NAALADL2: variants seen among roughly 807,000 people sequenced by gnomAD.
NAALADL2 encodes inactive N-acetylated-alpha-linked acidic dipeptidase-like protein 2.
Under a neutral mutation model 87.2 loss-of-function variants are expected in NAALADL2, and 76 were observed. The ratio of observed to expected loss-of-function variants is 0.87; its 90% CI spans 0.72 to 1.05. The LOEUF (loss-of-function observed/expected upper bound fraction) is 1.05. Ranked by LOEUF, NAALADL2 falls within the 50% of genes least tolerant of loss-of-function variation. The probability of loss-of-function intolerance (pLI) is 0.00; values close to 1 mark genes in which losing one functional copy is unlikely to be tolerated. For missense variants in NAALADL2, 1,089 were observed against 945.8 expected (o/e 1.15, Z -1.99); for synonymous variants, 354 against 331.0 (o/e 1.07, Z -0.75).
At chr3:175,600,760 A>G (rs1722873068) in intron 10 of NAALADL2, among the ~76,000 whole-genome samples, 1 of 151,430 alleles carries the variant, frequency 6.6e-6, no homozygotes, top group South Asian at 2.1e-4. Context: ...GATGGTCTCG[A>G]TCTCCTGACC....
chr3:175,137,563 G>T (rs1729298248), intron 2 of NAALADL2, among the ~76,000 whole-genome samples: 1 of 149,728 alleles, frequency 6.7e-6, no homozygotes. Context: ...ATATTTTTTA[G>T]ATTACATTTC....
chr3:174,491,903 A>T (rs1305731766), intron 1 of NAALADL2, among the ~76,000 whole-genome samples: 1 of 152,220 alleles, frequency 6.6e-6, no homozygotes, highest in African/African-American at 2.4e-5. Flanking sequence ...ATCAATAAAG[A>T]TGATTTTATT....
chr3:174,735,592 C>T (rs1342489849), intron 2 of NAALADL2, among the ~76,000 whole-genome samples: 1 of 152,080 alleles, frequency 6.6e-6, no homozygotes, highest in African/African-American at 2.4e-5. Flanking sequence ...CAGGATCTCA[C>T]TCTGTCACCC....
intron 5 of NAALADL2, among the ~76,000 whole-genome samples, chr3:175,367,378 G>T (rs62287968): frequency 0.24 from 35,857 of 146,838 alleles, 4,970 homozygotes; most frequent in East Asian, 0.48. Context: ...TTAAAGAGTT[G>T]TTTCCGATTC....
chr3:175,632,492 G>T (rs1399040159), intron 11 of NAALADL2, among the ~76,000 whole-genome samples: 1 of 151,920 alleles, frequency 6.6e-6, no homozygotes, highest in African/African-American at 2.4e-5. Flanking sequence ...TTTTGACGGT[G>T]CTTTAAAGAT....
chr3:175,367,108 A>C (rs1157111867), intron 5 of NAALADL2, among the ~76,000 whole-genome samples: 1 of 151,176 alleles, frequency 6.6e-6, no homozygotes, highest in Non-Finnish European at 1.5e-5. Context: ...ACCATTTATT[A>C]AATAGGGAAT....
chr3:174,468,757 A>G (rs1577973662), intron 1 of NAALADL2, among the ~76,000 whole-genome samples: 1 of 138,096 alleles, frequency 7.2e-6, no homozygotes, highest in Non-Finnish European at 1.6e-5. Flanking sequence ...GATCATAACT[A>G]TATTCTTTTT....
chr3:174,641,895 C>T (rs1278278504), intron 2 of NAALADL2, among the ~76,000 whole-genome samples: 1 of 152,064 alleles, frequency 6.6e-6, no homozygotes, highest in African/African-American at 2.4e-5. Flanking sequence ...GAGGTGAGAC[C>T]ACAAGCATGG....
At chr3:175,318,552 A>T (rs961048468) in intron 4 of NAALADL2, among the ~76,000 whole-genome samples, 1 of 152,238 alleles carries the variant, frequency 6.6e-6, no homozygotes, top group Admixed American at 6.5e-5. Flanking sequence ...AAGAAGATAT[A>T]AAAATGAACA....
intron 11 of NAALADL2, among the ~76,000 whole-genome samples, chr3:175,703,518 G>C (rs192880229): frequency 6.6e-6 from 1 of 152,072 alleles, no homozygotes; most frequent in Non-Finnish European, 1.5e-5. Flanking sequence ...CGAGGCGGGC[G>C]GATCACCTGA....
chr3:175,744,604 A>C (rs1462023704), intron 12 of NAALADL2, among the ~76,000 whole-genome samples: 2 of 152,208 alleles, frequency 1.3e-5, no homozygotes, highest in Admixed American at 6.5e-5. Flanking sequence ...CCTTTAAACT[A>C]TACATTTTTA....
intron 1 of NAALADL2, among the ~76,000 whole-genome samples, chr3:175,033,367 A>G (rs772548351): frequency 5.3e-5 from 8 of 152,070 alleles, no homozygotes; most frequent in Non-Finnish European, 1.0e-4. Flanking sequence ...TTCCTTCCTC[A>G]TGAACAGATG....
intron 2 of NAALADL2, among the ~76,000 whole-genome samples, chr3:175,192,328 A>G (rs1167314324): frequency 6.6e-6 from 1 of 152,084 alleles, no homozygotes; most frequent in Non-Finnish European, 1.5e-5. Context: ...GCTGTCTTAG[A>G]TTTTTATAAG....
rs1415019167 is a variant in NAALADL2 at position 175,127,179 on chromosome 3, C to A, written c.545+29888C>A. ...CAGATCCCCAGACATCATGACATGT[C>A]ATTCAGAAAAAGGTAAATACAATAA... is the stretch of plus-strand genomic sequence containing the variant. On this transcript the variant is annotated intron_variant, in intron 2 of 13. Coordinates refer to ENST00000454872, the MANE Select transcript of NAALADL2 (RefSeq NM_207015.3). Among the ~76,000 whole-genome samples the A allele has an allele frequency of 7.2e-5, 11 of 152,158 alleles. No homozygotes were observed. In the East Asian group the frequency reaches 2.1e-3, roughly 29 times the overall value.
At chr3:174,516,518 A>G (rs1466668574) in intron 1 of NAALADL2, among the ~76,000 whole-genome samples, 3 of 152,040 alleles carry the variant, frequency 2.0e-5, no homozygotes, top group Non-Finnish European at 4.4e-5. Flanking sequence ...CAGGGCCTTT[A>G]GAAGTTGACT....
chr3:175,579,835 A>G (rs1259369451), intron 10 of NAALADL2, among the ~76,000 whole-genome samples: 1 of 152,122 alleles, frequency 6.6e-6, no homozygotes, highest in East Asian at 1.9e-4. Context: ...TGTTTCAATC[A>G]GTATTTTTAT....
chr3:175,296,000 A>G (rs1366685920), intron 4 of NAALADL2, among the ~76,000 whole-genome samples: 2 of 65,666 alleles, frequency 3.0e-5, no homozygotes, highest in Admixed American at 2.9e-4. Flanking sequence ...GTGGCCAAAA[A>G]AGTCAGCCAA....
intron 2 of NAALADL2, among the ~76,000 whole-genome samples, chr3:174,696,676 A>G (rs1234981527): frequency 3.3e-5 from 5 of 150,618 alleles, no homozygotes; most frequent in Non-Finnish European, 7.4e-5. Flanking sequence ...TTACTGATCT[A>G]GGATTATTAA....
intron 1 of NAALADL2, among the ~76,000 whole-genome samples, chr3:174,503,444 G>A (rs1191495712): frequency 6.6e-6 from 1 of 152,030 alleles, no homozygotes; most frequent in African/African-American, 2.4e-5. Flanking sequence ...ATCAAAATTA[G>A]CATTTTCTTA....
Sources: gnomAD v4.1 joint callset for allele counts (sites outside exome capture counted in the v4.1 genomes callset) on GRCh38, gnomAD v4.1.1 for gene constraint, MANE v1.5 for transcripts, NCBI Gene and HGNC (gene_info 2026-07-23, HGNC 2026-07-21) for gene names.